SRGAP3: variants seen among roughly 807,000 people sequenced by gnomAD.
SRGAP3 encodes SLIT-ROBO Rho GTPase-activating protein 3.
Under a neutral mutation model 121.1 loss-of-function variants are expected in SRGAP3, and 39 were observed. That is an observed-to-expected ratio of 0.32 (90% confidence interval 0.25 to 0.42). The LOEUF (loss-of-function observed/expected upper bound fraction) is 0.42. Among genes scored for constraint, SRGAP3 ranks in the 10% least tolerant of loss-of-function variants. SRGAP3 has a pLI of 1.00. For synonymous variants in SRGAP3, 601 were observed against 570.0 expected (o/e 1.05, Z -0.77); for missense variants, 1,213 against 1,470.6 (o/e 0.82, Z 2.86).
intron 1 of SRGAP3, among the ~76,000 whole-genome samples, chr3:9,240,683 C>T (rs1300491005): frequency 6.6e-6 from 1 of 152,192 alleles, no homozygotes; most frequent in East Asian, 1.9e-4. Context: ...GCCACAGCCC[C>T]TCTCCAATCA....
rs894049248 is a variant in SRGAP3 at position 8,981,784 on chromosome 3, T to C, written c.*3735A>G. On this transcript the variant is annotated 3_prime_UTR_variant, in exon 22 of 22. Coordinates refer to ENST00000383836, the MANE Select transcript of SRGAP3 (RefSeq NM_014850.4). ...TCAATTTCCCTGTGTCTCTTCCCAC[T>C]CCGATTTCTTCATTGAATAGAAACC... The C allele has an allele frequency of 2.2e-5, 5 of 229,424 alleles. No individual in the cohort carries two copies. Among genetic ancestry groups the C allele is most frequent in the African/African-American group, 1.1e-4 (5 of 45,118 alleles). The allele number at this position is 229,424 out of a possible 1,614,324, so 14.2% of individuals were successfully genotyped here.
chr3:9,329,587 A>G (rs1955572551), intron 2 of SRGAP3, among the ~76,000 whole-genome samples: 1 of 152,182 alleles, frequency 6.6e-6, no homozygotes, highest in Admixed American at 6.5e-5. Context: ...ACCCTGAATA[A>G]CAGAAAAGAT....
chr3:9,044,269 T>G (rs1306151665), intron 10 of SRGAP3, among the ~76,000 whole-genome samples: 2 of 152,210 alleles, frequency 1.3e-5, no homozygotes, highest in African/African-American at 4.8e-5. Flanking sequence ...AGTGGATGCC[T>G]GAAACTGTGG....
At chr3:9,199,167 G>A (rs896594352) in intron 1 of SRGAP3, among the ~76,000 whole-genome samples, 8 of 152,184 alleles carry the variant, frequency 5.3e-5, no homozygotes, top group Non-Finnish European at 1.2e-4. Flanking sequence ...CAAGGGCTCC[G>A]TTATCAGAGT....
chr3:9,204,424 C>T (rs964805770), intron 1 of SRGAP3, among the ~76,000 whole-genome samples: 2 of 152,240 alleles, frequency 1.3e-5, no homozygotes, highest in Non-Finnish European at 2.9e-5. Flanking sequence ...CTGGGCTAGA[C>T]ATGCCTTTGC....
intron 3 of SRGAP3, among the ~76,000 whole-genome samples, chr3:9,297,076 G>A (rs1954965344): frequency 6.6e-6 from 1 of 152,114 alleles, no homozygotes; most frequent in Non-Finnish European, 1.5e-5. Context: ...GTAGAAACAA[G>A]GTCTCACTAT....
chr3:9,268,296 G>GTCTCTCTCTCTCTCTCTC (rs71626912), intron 3 of SRGAP3, among the ~76,000 whole-genome samples: 40 of 147,676 alleles, frequency 2.7e-4, no homozygotes, highest in African/African-American at 1.0e-3. Context: ...AGAGAGAAGA[G>GTCTCTCTCTCTCTCTCTC]TCTCTCTCTC....
intron 3 of SRGAP3, among the ~76,000 whole-genome samples, chr3:9,085,348 T>A (rs1947418964): frequency 6.6e-6 from 1 of 152,242 alleles, no homozygotes; most frequent in Non-Finnish European, 1.5e-5. Flanking sequence ...ACTCCCTGCT[T>A]CTACACTGTT....
At chr3:9,282,502 TTCTTTTGGGACAGAG>T (rs1245688536) in intron 3 of SRGAP3, among the ~76,000 whole-genome samples, 2 of 152,132 alleles carry the variant, frequency 1.3e-5, no homozygotes, top group Admixed American at 6.5e-5. Context: ...TGTTTTTGTT[TTCTTTTGGGACAGAG>T]TCTTACTCTG....
intron 3 of SRGAP3, among the ~76,000 whole-genome samples, chr3:9,302,683 A>G (rs895702597): frequency 6.6e-6 from 1 of 152,226 alleles, no homozygotes; most frequent in Non-Finnish European, 1.5e-5. Context: ...GTAGAACGCC[A>G]GGTTCTTGCA....
At position 9,313,792 on chromosome 3, in the gene SRGAP3, C is replaced by T. The variant is rs555229361; in HGVS notation, n.442+12218G>A. ...GACAGATCACCTGAGATCAGGAGTT[C>T]GAGACCAGCCTGGCCAATAGGGCGA... On this transcript the variant is annotated intron_variant and non_coding_transcript_variant, in intron 3 of 3. Transcript: ENST00000490889. Among the ~76,000 whole-genome samples, 15 of 152,262 alleles carry T rather than the reference C, an allele frequency of 9.9e-5. No homozygotes were observed. In the South Asian group the frequency reaches 1.9e-3, roughly 19 times the overall value.
intron 4 of SRGAP3, 27 bp from the exon 5 acceptor site, chr3:9,064,608 A>G: frequency 1.2e-6 from 2 of 1,613,536 alleles, no homozygotes; most frequent in Non-Finnish European, 1.7e-6. Context: ...AGGGGAAATC[A>G]GCAGCCAGCT....
chr3:9,203,105 A>C (rs553417697), intron 1 of SRGAP3, among the ~76,000 whole-genome samples: 1 of 152,260 alleles, frequency 6.6e-6, no homozygotes, highest in Admixed American at 6.5e-5. Context: ...ATTGCACAGA[A>C]GTCTCTGACT....
chr3:9,289,401 A>T (rs1182318496), intron 3 of SRGAP3, among the ~76,000 whole-genome samples: 2 of 152,196 alleles, frequency 1.3e-5, no homozygotes, highest in Admixed American at 1.3e-4. Context: ...GAAATCTCTT[A>T]AAACTTCATC....
At chr3:9,043,660 G>C (rs1052144675) in intron 10 of SRGAP3, among the ~76,000 whole-genome samples, 3 of 152,072 alleles carry the variant, frequency 2.0e-5, no homozygotes, top group African/African-American at 4.8e-5. Context: ...ATCAAAACTT[G>C]CCTATCCTTT....
intron 18 of SRGAP3, among the ~76,000 whole-genome samples, chr3:8,998,060 T>C (rs1361513180): frequency 6.6e-6 from 1 of 152,058 alleles, no homozygotes; most frequent in Non-Finnish European, 1.5e-5. Flanking sequence ...TTTTTAAGTT[T>C]TTGTAGCAAC....
intron 1 of SRGAP3, among the ~76,000 whole-genome samples, chr3:9,236,736 C>A (rs957660424): frequency 6.6e-6 from 1 of 152,166 alleles, no homozygotes; most frequent in African/African-American, 2.4e-5. Flanking sequence ...GCCAATTAAA[C>A]CTCTTTTCTT....
At chr3:9,296,586 A>G (rs1307370659) in intron 3 of SRGAP3, among the ~76,000 whole-genome samples, 1 of 152,220 alleles carries the variant, frequency 6.6e-6, no homozygotes, top group African/African-American at 2.4e-5. Flanking sequence ...GTGGAAGCAT[A>G]ATAGTTAAGA....
chr3:9,189,762 C>T (rs777332886), intron 1 of SRGAP3, among the ~76,000 whole-genome samples: 20 of 152,178 alleles, frequency 1.3e-4, no homozygotes, highest in Non-Finnish European at 2.6e-4. Context: ...ATTGAGTCCA[C>T]CCCTGTCATT....
Sources: allele counts gnomAD v4.1 joint callset (sites outside exome capture counted in the v4.1 genomes callset), GRCh38; gene constraint gnomAD v4.1.1; transcripts MANE v1.5; gene names NCBI Gene and HGNC (gene_info 2026-07-23, HGNC 2026-07-21).